CDC26: variants seen among roughly 807,000 people sequenced by gnomAD.
CDC26 encodes the protein cell division cycle 26, also known as anaphase-promoting complex subunit CDC26.
Under a neutral mutation model 8.0 loss-of-function variants are expected in CDC26, and 2 were observed. That is an observed-to-expected ratio of 0.25 (90% CI 0.10 to 0.79). The LOEUF (loss-of-function observed/expected upper bound fraction) is 0.79. CDC26 is among the 30% of genes least tolerant of loss of function. The probability of loss-of-function intolerance (pLI) is 0.70; values close to 1 mark genes in which losing one functional copy is unlikely to be tolerated. For missense variants in CDC26, 68 were observed against 106.0 expected (o/e 0.64, Z 1.57); for synonymous variants, 19 against 34.9 (o/e 0.55, Z 1.60).
chr9:113,270,359 C>T (rs1160463016), intron 3 of CDC26, among the ~76,000 whole-genome samples: 2 of 152,250 alleles, frequency 1.3e-5, no homozygotes, highest in Non-Finnish European at 2.9e-5. Context: ...TACCATGTAG[C>T]AAGGCCACAG....
Position 113,267,123 on chromosome 9 carries a change from C to T in CDC26, c.*140G>A, listed in dbSNP as rs1193529087. 6.4e-5 allele frequency: 33 copies of T among 511,698 alleles called. No individual in the cohort carries two copies. Among genetic ancestry groups the T allele is most frequent in the Non-Finnish European group, 1.3e-5 (4 of 296,314 alleles). The allele number at this position is 511,698 out of a possible 1,614,324, so 31.7% of individuals were successfully genotyped here. ...CCAGCTTAGAGTGCAAGTGAAGCATCAGTAATCTCATGCAGAAGATTTGTC... is the reference window on the plus strand; with the variant it reads ...CCAGCTTAGAGTGCAAGTGAAGCATTAGTAATCTCATGCAGAAGATTTGTC... On this transcript the variant is annotated 3_prime_UTR_variant, in exon 4 of 4. Transcript: ENST00000374206.
chr9:113,273,518 G>C (rs1230143230), intron 1 of CDC26, 80 bp from the exon 2 acceptor site: 2 of 152,166 alleles, frequency 1.3e-5, no homozygotes. Context: ...CATCACACAG[G>C]CACCTAATCC....
In CDC26 at chr9:113,267,019, AT is replaced by A; in HGVS notation, c.*243del. On this transcript the variant is annotated 3_prime_UTR_variant, in exon 4 of 4. Coordinates refer to ENST00000374206, the MANE Select transcript of CDC26 (RefSeq NM_139286.4). ...AAGGATGCCTCACATTTTTCCAAAA[AT>A]ATATTTATTTTTAAAAACAGAAAAT... is the stretch of plus-strand genomic sequence containing the variant. The A allele has an allele frequency of 2.2e-6, 1 of 447,428 alleles. No individual in the cohort carries two copies. Among genetic ancestry groups the A allele is most frequent in the Non-Finnish European group, 3.8e-6 (1 of 260,092 alleles). The allele number at this position is 447,428 out of a possible 1,614,324, so 27.7% of individuals were successfully genotyped here.
At chr9:113,272,770 C>G (rs990152737) in intron 2 of CDC26, among the ~76,000 whole-genome samples, 11 of 151,148 alleles carry the variant, frequency 7.3e-5, no homozygotes, top group Non-Finnish European at 1.5e-4. Context: ...TAGCTCACTA[C>G]AGCCTCAACT....
At chr9:113,268,939 G>A (rs1374872973) in intron 3 of CDC26, among the ~76,000 whole-genome samples, 1 of 152,152 alleles carries the variant, frequency 6.6e-6, no homozygotes, top group Non-Finnish European at 1.5e-5. Context: ...ACTTTTAGTA[G>A]AGACAGGGTT....
chr9:113,273,210 G>C (rs893881731), intron 2 of CDC26, 119 bp downstream of exon 2: 1 of 152,188 alleles, frequency 6.6e-6, no homozygotes, highest in Non-Finnish European at 1.5e-5. Flanking sequence ...AGTATAGTTA[G>C]AGGAAAAAGT....
intron 3 of CDC26, among the ~76,000 whole-genome samples, chr9:113,268,387 G>A (rs1053399262): frequency 1.3e-5 from 2 of 152,184 alleles, no homozygotes; most frequent in Non-Finnish European, 2.9e-5. Context: ...TGGCTCCTAA[G>A]TCACATGTGA....
At chr9:113,267,834 A>G (rs1831887187) in intron 3 of CDC26, among the ~76,000 whole-genome samples, 1 of 152,142 alleles carries the variant, frequency 6.6e-6, no homozygotes, top group East Asian at 1.9e-4. Flanking sequence ...TAAAAATACA[A>G]AAATTAGCTG....
chr9:113,270,061 C>A (rs1199143994), intron 3 of CDC26, among the ~76,000 whole-genome samples: 1 of 152,142 alleles, frequency 6.6e-6, no homozygotes, highest in Admixed American at 6.5e-5. Flanking sequence ...CAGACAATTA[C>A]AACAGAGAGT....
chr9:113,268,613 G>A (rs1047908896), intron 3 of CDC26, among the ~76,000 whole-genome samples: 1 of 152,220 alleles, frequency 6.6e-6, no homozygotes, highest in African/African-American at 2.4e-5. Context: ...TGAACTGTGG[G>A]CATTTAAATG....
intron 3 of CDC26, among the ~76,000 whole-genome samples, chr9:113,271,093 G>A (rs796739748): frequency 3.9e-5 from 6 of 152,334 alleles, no homozygotes; most frequent in African/African-American, 1.4e-4. Context: ...AGGGTCTACA[G>A]ACAGATCGAA....
intron 3 of CDC26, among the ~76,000 whole-genome samples, chr9:113,269,740 T>C (rs1419934856): frequency 6.6e-6 from 1 of 152,104 alleles, no homozygotes; most frequent in Non-Finnish European, 1.5e-5. Flanking sequence ...AATATATGAG[T>C]TTTTAGAAAG....
intron 2 of CDC26, among the ~76,000 whole-genome samples, chr9:113,272,965 T>G (rs1315682217): frequency 6.6e-6 from 1 of 152,214 alleles, no homozygotes; most frequent in African/African-American, 2.4e-5. Context: ...GTGCTGGCAT[T>G]ATAGGCAAGA....
Position 113,267,165 on chromosome 9 carries a change from T to C in CDC26, c.*98A>G, listed in dbSNP as rs1831876168. 7.5e-6 allele frequency: 5 copies of C among 667,884 alleles called. No homozygotes were observed. The highest frequency in any genetic ancestry group is 1.2e-5 in the Non-Finnish European group (5 of 411,336). The allele number at this position is 667,884 out of a possible 1,614,324, so 41.4% of individuals were successfully genotyped here. On this transcript the variant is annotated 3_prime_UTR_variant, in exon 4 of 4. Coordinates refer to ENST00000374206, the MANE Select transcript of CDC26 (RefSeq NM_139286.4). ...AGATTTGTCTCTGCAGGAGGTACAT[T>C]CTGCTTGACTGCAAGCACTCAATTC...
chr9:113,275,295 C>T (rs1459819867), intron 1 of CDC26, 87 bp downstream of exon 1: 1 of 159,344 alleles, frequency 6.3e-6, no homozygotes, highest in African/African-American at 2.4e-5. Flanking sequence ...GTAAACGCCC[C>T]CGTACGCCCG....
At chr9:113,272,397 T>TC (rs748475278) in intron 3 of CDC26, 30 bp downstream of exon 3, 193 of 1,540,692 alleles carry the variant, frequency 1.3e-4, no homozygotes, top group Non-Finnish European at 1.7e-4. Flanking sequence ...CGAGACTCCA[T>TC]CTCAAAAAAA....
chr9:113,271,432 T>C (rs1340067458), intron 3 of CDC26, among the ~76,000 whole-genome samples: 1 of 151,996 alleles, frequency 6.6e-6, no homozygotes. Context: ...CAATCACACA[T>C]ATCATAAGAA....
In CDC26 at chr9:113,268,944, A is replaced by G. The variant is rs145443529; in HGVS notation, c.82-1505T>C. Among the ~76,000 whole-genome samples, 89 of 151,502 alleles carry G rather than the reference A, an allele frequency of 5.9e-4. No individual in the cohort carries two copies. The East Asian group carries it at 0.016, about 28-fold the overall frequency. ...TAATTTTTGCACTTTTAGTAGAGAC[A>G]GGGTTTCAACATGTTAGCTAGGATG... On this transcript the variant is annotated intron_variant, in intron 3 of 3. Coordinates refer to ENST00000374206, the MANE Select transcript of CDC26 (RefSeq NM_139286.4).
intron 3 of CDC26, among the ~76,000 whole-genome samples, 177 bp from the exon 4 acceptor site, chr9:113,267,616 A>G (rs1328851720): frequency 2.6e-5 from 4 of 152,168 alleles, no homozygotes; most frequent in Non-Finnish European, 5.9e-5. Context: ...TGGTGTTAAA[A>G]GTTGTAACCC....
Sources: gnomAD v4.1 joint callset for allele counts (sites outside exome capture counted in the v4.1 genomes callset) on GRCh38, gnomAD v4.1.1 for gene constraint, MANE v1.5 for transcripts, NCBI Gene and HGNC (gene_info 2026-07-23, HGNC 2026-07-21) for gene names.